The following RPS6KA2 variants were observed in gnomAD, a reference collection of about 807,000 sequenced individuals.
The protein encoded by RPS6KA2 is ribosomal protein S6 kinase A2.
In RPS6KA2, 42 loss-of-function variants were observed where a neutral mutation model predicts 91.8. The ratio of observed to expected loss-of-function variants is 0.46; its 90% CI spans 0.36 to 0.59. RPS6KA2 has a LOEUF of 0.59. Ranked by LOEUF, RPS6KA2 falls within the 20% of genes least tolerant of loss-of-function variation. RPS6KA2 has a pLI of 0.00. For synonymous variants in RPS6KA2, 414 were observed against 393.6 expected, an observed-to-expected ratio of 1.05 and a Z score of -0.61; for missense variants, 798 against 978.5, an observed-to-expected ratio of 0.82 and a Z score of 2.46.
chr6:166,604,494 C>T (rs1785869771), intron 1 of RPS6KA2, among the ~76,000 whole-genome samples: 1 of 152,146 alleles, frequency 6.6e-6, no homozygotes, highest in Non-Finnish European at 1.5e-5. Context: ...GTTGCCGGAG[C>T]TGGGTTCACT....
chr6:166,481,061 A>G lies in RPS6KA2; in HGVS notation c.907+7772T>C, dbSNP rs146792317. Among the ~76,000 whole-genome samples, 434 of 152,380 alleles carry G rather than the reference A, an allele frequency of 2.8e-3. 4 individuals are homozygous for G. Among genetic ancestry groups the G allele is most frequent in the African/African-American group, 0.01 (420 of 41,598 alleles). On this transcript the variant is annotated intron_variant, in intron 10 of 20. Coordinates refer to ENST00000265678, the MANE Select transcript of RPS6KA2 (RefSeq NM_021135.6). ...AAACAAATAAGTTGGGATTTTTACA[A>G]AATTCTGAAATTAAGCTACAGTGAA... is the stretch of plus-strand genomic sequence containing the variant.
chr6:166,511,992 C>A (rs986366854), intron 3 of RPS6KA2, among the ~76,000 whole-genome samples: 3 of 152,156 alleles, frequency 2.0e-5, no homozygotes, highest in Non-Finnish European at 4.4e-5. Context: ...GGTTCATCCA[C>A]CCATGTTCAT....
intron 1 of RPS6KA2, among the ~76,000 whole-genome samples, chr6:166,614,524 G>T (rs1054319185): frequency 2.6e-5 from 4 of 152,260 alleles, no homozygotes; most frequent in African/African-American, 9.6e-5. Flanking sequence ...CCTGTCTGCT[G>T]CATCTTCTAC....
intron 2 of RPS6KA2, among the ~76,000 whole-genome samples, chr6:166,831,803 T>C (rs975815684): frequency 5.5e-4 from 82 of 149,954 alleles, no homozygotes; most frequent in African/African-American, 1.9e-3. Context: ...AGATAGATGA[T>C]AGATAGATAG....
chr6:166,658,847 T>C (rs1204256406), intron 2 of RPS6KA2, among the ~76,000 whole-genome samples: 2 of 152,138 alleles, frequency 1.3e-5, no homozygotes, highest in Admixed American at 1.3e-4. Context: ...AGAGACTCTC[T>C]CTGGAACTCG....
At chr6:166,711,188 C>G (rs1789834538) in intron 2 of RPS6KA2, among the ~76,000 whole-genome samples, 1 of 151,150 alleles carries the variant, frequency 6.6e-6, no homozygotes, top group African/African-American at 2.4e-5. Flanking sequence ...GGAGCTGGAG[C>G]CTCCACCCCC....
At chr6:166,427,680 C>A (rs1414276208) in intron 16 of RPS6KA2, among the ~76,000 whole-genome samples, 1 of 152,094 alleles carries the variant, frequency 6.6e-6, no homozygotes, top group African/African-American at 2.4e-5. Flanking sequence ...AGAGCCAAAT[C>A]ATGAGTGAAC....
At chr6:166,784,794 G>A (rs919088924) in intron 2 of RPS6KA2, among the ~76,000 whole-genome samples, 3 of 150,388 alleles carry the variant, frequency 2.0e-5, no homozygotes, top group African/African-American at 5.0e-5. Flanking sequence ...GAGAAGTCCC[G>A]CAGTGGTCTC....
chr6:166,812,350 C>T (rs2128620744), intron 2 of RPS6KA2, among the ~76,000 whole-genome samples: 1 of 152,132 alleles, frequency 6.6e-6, no homozygotes, highest in South Asian at 2.1e-4. Context: ...AGTGAGACTC[C>T]ATCTCAAAAA....
Position 166,665,954 on chromosome 6 carries a change from C to G in RPS6KA2, c.124-127170G>C, listed in dbSNP as rs901534730. Among the ~76,000 whole-genome samples, 1 of 152,176 alleles carries G rather than the reference C, an allele frequency of 6.6e-6. No individual in the cohort carries two copies. Among genetic ancestry groups the G allele is most frequent in the Non-Finnish European group, 1.5e-5 (1 of 68,036 alleles). ...GAGGCTCAGGAGCCTTCTTTGACAT[C>G]ATGATGATGAACCCAATCATGTATA... is the stretch of plus-strand genomic sequence containing the variant. On this transcript the variant is annotated intron_variant, in intron 2 of 21. Transcript: ENST00000503859. This position sits in a 1 kb window ranked among gnomAD's most constrained non-coding sequence, Gnocchi z 4.5.
chr6:166,744,105 T>C (rs973483549), intron 2 of RPS6KA2, among the ~76,000 whole-genome samples: 2 of 152,106 alleles, frequency 1.3e-5, no homozygotes, highest in Non-Finnish European at 2.9e-5. Flanking sequence ...CTGTCTCCCA[T>C]AGACAGGGGT....
At position 166,854,690 on chromosome 6, in the gene RPS6KA2, TAAC is replaced by T. The variant is rs1229747021; in HGVS notation, c.123+3507_123+3509del. Reference sequence around the variant, plus strand: ...CACAAAATTTCTTTCTTTTTCAAAATAACAACAGATGTTGGCAAGGATGCAGAG... The same window carrying T: ...CACAAAATTTCTTTCTTTTTCAAAATAACAGATGTTGGCAAGGATGCAGAG... On this transcript the variant is annotated intron_variant, in intron 2 of 21. Transcript: ENST00000503859. Among the ~76,000 whole-genome samples, 4 of 152,298 alleles carry T rather than the reference TAAC, an allele frequency of 2.6e-5. No individual in the cohort carries two copies. In the East Asian group the frequency reaches 7.7e-4, roughly 29 times the overall value.
At chr6:166,789,987 C>T (rs1028534639) in intron 2 of RPS6KA2, among the ~76,000 whole-genome samples, 2 of 152,174 alleles carry the variant, frequency 1.3e-5, no homozygotes, top group Non-Finnish European at 1.5e-5. Flanking sequence ...AGCTCCTCAC[C>T]AGCAATGGAA....
rs117142855 is a variant in RPS6KA2, at chr6:166,453,356, C to T, written c.1076-2123G>A. ...TAATATCTAGAATTTACAAGGAACT[C>T]GAACAACTCAACAACAACAACAAAA... On this transcript the variant is annotated intron_variant, in intron 12 of 20. Coordinates refer to ENST00000265678, the MANE Select transcript of RPS6KA2 (RefSeq NM_021135.6). Among the ~76,000 whole-genome samples the T allele has an allele frequency of 2.0e-3, 311 of 152,100 alleles. 5 individuals carry two copies. In the East Asian group the frequency reaches 0.04, roughly 19 times the overall value.
chr6:166,771,063 T>C (rs1778457909), intron 2 of RPS6KA2: 3 of 607,818 alleles, frequency 4.9e-6, no homozygotes, highest in South Asian at 6.1e-5. Flanking sequence ...TTTTAAGTAA[T>C]TGGAGGAGTT....
intron 2 of RPS6KA2, among the ~76,000 whole-genome samples, chr6:166,637,054 C>G (rs1787267677): frequency 6.6e-6 from 1 of 152,192 alleles, no homozygotes; most frequent in African/African-American, 2.4e-5. Context: ...TCTCCACCAC[C>G]TAAAGGGCTG....
intron 3 of RPS6KA2, among the ~76,000 whole-genome samples, chr6:166,520,905 G>A (rs1201195528): frequency 1.3e-5 from 2 of 152,246 alleles, no homozygotes; most frequent in African/African-American, 2.4e-5. Flanking sequence ...CATCAGGGCT[G>A]CCCACCCATG....
chr6:166,725,659 G>A (rs1340126234), intron 2 of RPS6KA2, among the ~76,000 whole-genome samples: 1 of 152,266 alleles, frequency 6.6e-6, no homozygotes, highest in Non-Finnish European at 1.5e-5. Context: ...GTGGGGGGTG[G>A]GGTGGGCCCA....
intron 2 of RPS6KA2, among the ~76,000 whole-genome samples, chr6:166,640,575 G>A (rs1249433844): frequency 6.6e-6 from 1 of 152,166 alleles, no homozygotes; most frequent in Non-Finnish European, 1.5e-5. Context: ...CAACCTGCTG[G>A]GTCACGTATG....
Sources: allele counts gnomAD v4.1 joint callset (sites outside exome capture counted in the v4.1 genomes callset), GRCh38; gene constraint gnomAD v4.1.1; non-coding constraint Gnocchi (gnomAD v3.1); transcripts MANE v1.5; gene names NCBI Gene and HGNC (gene_info 2026-07-23, HGNC 2026-07-21).